ZNF678: variants seen among roughly 807,000 people sequenced by gnomAD.
The protein encoded by ZNF678 is hypothetical protein MGC42493.
Under a neutral mutation model 3.0 loss-of-function variants are expected in ZNF678, and 5 were observed. That is an observed-to-expected ratio of 1.69 (90% CI 0.88 to 3.56). The LOEUF (loss-of-function observed/expected upper bound fraction) is 3.56. Ranked by LOEUF, ZNF678 falls within the 30% of genes most tolerant of loss-of-function variation. The pLI, the probability that ZNF678 is intolerant of heterozygous loss-of-function variation, is 0.00. For missense variants in ZNF678, 593 were observed against 605.0 expected, an observed-to-expected ratio of 0.98 and a Z score of 0.21; for synonymous variants, 218 against 199.6, an observed-to-expected ratio of 1.09 and a Z score of -0.78.
At chr1:227,644,208 G>C (rs985485366) in intron 1 of ZNF678, among the ~76,000 whole-genome samples, 4 of 152,126 alleles carry the variant, frequency 2.6e-5, no homozygotes, top group African/African-American at 7.2e-5. Flanking sequence ...AATGGAAAAA[G>C]AAATAGAAAG....
At chr1:227,566,704 T>C (rs1415226942) in intron 1 of ZNF678, among the ~76,000 whole-genome samples, 1 of 152,238 alleles carries the variant, frequency 6.6e-6, no homozygotes, top group Non-Finnish European at 1.5e-5. Context: ...TATTACACTT[T>C]ATCAGTAGAG....
chr1:227,655,609 A>G lies in ZNF678; in HGVS notation c.1359A>G (p.Arg453=), dbSNP rs1297489410. Residue 453 remains arginine, a synonymous_variant, in exon 4 of 4, where the codon AGA becomes AGG. Transcript: ENST00000343776. The stretch of plus-strand genomic sequence containing the variant: ...CCTCAATCCTTAGTAAGCATAAGAG[A>G]ATTCATACTGAAGAGAAACCCTACA... ...YQSSILSKHK[R]IHTEEKPYKC... 1 of 1,612,616 alleles carries G rather than the reference A, an allele frequency of 6.2e-7. No homozygotes were observed. Among genetic ancestry groups the G allele is most frequent in the Non-Finnish European group, 8.5e-7 (1 of 1,179,256 alleles).
Position 227,659,762 on chromosome 1 carries a change from T to TAC in ZNF678, c.*3936_*3937dup, listed in dbSNP as rs1447514092. On this transcript the variant is annotated 3_prime_UTR_variant, in exon 4 of 4. Coordinates refer to ENST00000343776, the MANE Select transcript of ZNF678 (RefSeq NM_001367909.1). ...TTTTAAATTGACAAAATTTTATATC[T>TAC]ACATATATATATATCTTGTAACACA... 2 of 152,150 alleles carry TAC rather than the reference T, an allele frequency of 1.3e-5. No homozygotes were observed. The highest frequency in any genetic ancestry group is 4.8e-5 in the African/African-American group (2 of 41,458). The allele number at this position is 152,150 out of a possible 1,614,324, so 9.4% of individuals were successfully genotyped here.
chr1:227,599,989 C>T (rs1042463463), intron 1 of ZNF678, among the ~76,000 whole-genome samples: 2 of 152,120 alleles, frequency 1.3e-5, no homozygotes, highest in African/African-American at 4.8e-5. Flanking sequence ...CTCCAGTAGG[C>T]ACCCCATGTC....
chr1:227,572,821 C>G (rs1656885595), intron 1 of ZNF678, among the ~76,000 whole-genome samples: 1 of 152,180 alleles, frequency 6.6e-6, no homozygotes, highest in African/African-American at 2.4e-5. Context: ...GAGTTCAGCT[C>G]TGGCAACAGA....
At chr1:227,625,619 G>C (rs1044896058) in intron 1 of ZNF678, among the ~76,000 whole-genome samples, 5 of 152,308 alleles carry the variant, frequency 3.3e-5, no homozygotes, top group African/African-American at 9.6e-5. Context: ...ACAGTTAGTA[G>C]GGTTTCGGGC....
chr1:227,605,625 A>G (rs1657845453), intron 1 of ZNF678, among the ~76,000 whole-genome samples: 1 of 152,220 alleles, frequency 6.6e-6, no homozygotes, highest in Non-Finnish European at 1.5e-5. Flanking sequence ...TAGGATTACA[A>G]TCATAAAGTA....
intron 1 of ZNF678, among the ~76,000 whole-genome samples, chr1:227,613,297 C>G (rs1187322523): frequency 6.6e-6 from 1 of 152,208 alleles, no homozygotes; most frequent in Non-Finnish European, 1.5e-5. Flanking sequence ...TTTGACACTG[C>G]CGCAGCTATT....
At chr1:227,568,214 C>A (rs191402359) in intron 1 of ZNF678, among the ~76,000 whole-genome samples, 2 of 152,152 alleles carry the variant, frequency 1.3e-5, no homozygotes, top group East Asian at 3.9e-4. Context: ...GCTAGATGAC[C>A]CTACTGCTCA....
chr1:227,619,998 C>A (rs557225083), intron 1 of ZNF678, among the ~76,000 whole-genome samples: 2 of 152,238 alleles, frequency 1.3e-5, no homozygotes, highest in South Asian at 4.2e-4. Flanking sequence ...AAATAAATCA[C>A]AGGTCAGAAC....
rs16848046 is a variant in ZNF678, at chr1:227,673,506, C to T, written c.227-3673C>T. Among the ~76,000 whole-genome samples the T allele has an allele frequency of 5.6e-3, 851 of 152,296 alleles. 7 individuals are homozygous for T. Among genetic ancestry groups the T allele is most frequent in the African/African-American group, 0.02 (818 of 41,568 alleles). ...GATTTAGTCAAACATCTTTAGTCACCTTCTTCTCATTCTGAAGACTTCACA... is the reference window on the plus strand; with the variant it reads ...GATTTAGTCAAACATCTTTAGTCACTTTCTTCTCATTCTGAAGACTTCACA... On this transcript the variant is annotated intron_variant, in intron 5 of 5. Transcript: ENST00000608949.
chr1:227,672,507 GGAAACTCA>G, intron 5 of ZNF678, among the ~76,000 whole-genome samples: 1 of 152,148 alleles, frequency 6.6e-6, no homozygotes, highest in East Asian at 1.9e-4. Flanking sequence ...GCGATCTCTG[GGAAACTCA>G]GGTGGAGACT....
intron 1 of ZNF678, among the ~76,000 whole-genome samples, chr1:227,582,104 A>G (rs934539088): frequency 4.6e-5 from 7 of 152,104 alleles, no homozygotes; most frequent in Non-Finnish European, 1.0e-4. Context: ...TGCATTGTCT[A>G]CCTTTTTCTT....
intron 1 of ZNF678, among the ~76,000 whole-genome samples, chr1:227,645,199 A>G (rs1373020245): frequency 6.6e-6 from 1 of 152,198 alleles, no homozygotes; most frequent in African/African-American, 2.4e-5. Context: ...GTGTATGGTC[A>G]TAGCAGGTGA....
chr1:227,630,600 G>C (rs1658524701), intron 1 of ZNF678, among the ~76,000 whole-genome samples: 1 of 152,146 alleles, frequency 6.6e-6, no homozygotes. Flanking sequence ...GAATTTACCT[G>C]GGTCTATTTT....
intron 2 of ZNF678, among the ~76,000 whole-genome samples, chr1:227,649,692 T>C (rs1035398347): frequency 6.6e-6 from 1 of 152,206 alleles, no homozygotes; most frequent in Non-Finnish European, 1.5e-5. Context: ...CACTTTTTAA[T>C]GTATATGTAT....
intron 5 of ZNF678, among the ~76,000 whole-genome samples, chr1:227,673,032 G>C (rs1659626290): frequency 6.6e-6 from 1 of 152,090 alleles, no homozygotes; most frequent in African/African-American, 2.4e-5. Context: ...CAGTCCCCAT[G>C]CCTGTATCAT....
chr1:227,669,245 G>A (rs1233713168), intron 5 of ZNF678, among the ~76,000 whole-genome samples: 1 of 152,144 alleles, frequency 6.6e-6, no homozygotes, highest in African/African-American at 2.4e-5. Context: ...ATACAAAAGT[G>A]AGCAAAAGAC....
intron 1 of ZNF678, chr1:227,598,402 G>C: frequency 1.4e-6 from 2 of 1,434,224 alleles, no homozygotes; most frequent in Non-Finnish European, 1.8e-6. Context: ...TCTTTATAAG[G>C]GAATCCTGAT....
Sources: allele counts gnomAD v4.1 joint callset (sites outside exome capture counted in the v4.1 genomes callset), GRCh38; gene constraint gnomAD v4.1.1; transcripts MANE v1.5; gene names NCBI Gene and HGNC (gene_info 2026-07-23, HGNC 2026-07-21).